The following SPAG9 variants were observed in gnomAD, a reference collection of about 807,000 sequenced individuals.
The protein encoded by SPAG9 is C-Jun-amino-terminal kinase-interacting protein 4.
SPAG9 carries 35 observed loss-of-function variants against 166.5 expected under a neutral mutation model. That is an observed-to-expected ratio of 0.21 (90% CI 0.16 to 0.28). The LOEUF (loss-of-function observed/expected upper bound fraction) is 0.28, where lower values mean the gene tolerates loss of function less well. Ranked by LOEUF, SPAG9 falls within the 10% of genes least tolerant of loss-of-function variation. SPAG9 has a pLI of 1.00. For synonymous variants in SPAG9, 534 were observed against 565.5 expected (o/e 0.94, Z 0.79); for missense variants, 1,235 against 1,603.3 (o/e 0.77, Z 3.92).
intron 1 of SPAG9, among the ~76,000 whole-genome samples, chr17:51,100,846 C>T (rs556296494): frequency 1.3e-5 from 2 of 151,044 alleles, no homozygotes; most frequent in African/African-American, 4.9e-5. Context: ...TTGAACCTGG[C>T]GGGGCAGAGG....
intron 6 of SPAG9, among the ~76,000 whole-genome samples, chr17:51,023,694 C>T (rs2046035813): frequency 6.6e-6 from 1 of 152,092 alleles, no homozygotes; most frequent in Non-Finnish European, 1.5e-5. Context: ...GACAGAGTCT[C>T]GTTCTTGTCA....
intron 17 of SPAG9, 25 bp downstream of exon 17, chr17:50,995,419 T>C: frequency 1.3e-6 from 2 of 1,548,014 alleles, no homozygotes; most frequent in Non-Finnish European, 1.8e-6. Context: ...AGAAAACATC[T>C]CCTTTTAATT....
chr17:51,009,768 C>T (rs2045386931), intron 9 of SPAG9, among the ~76,000 whole-genome samples: 1 of 152,000 alleles, frequency 6.6e-6, no homozygotes, highest in South Asian at 2.1e-4. Flanking sequence ...CATGATGGTG[C>T]CTTTGAGTCT....
At chr17:50,985,096 G>T in intron 23 of SPAG9, 106 bp from the exon 24 acceptor site, 1 of 862,824 alleles carries the variant, frequency 1.2e-6, no homozygotes, top group Non-Finnish European at 1.9e-6. Flanking sequence ...TCTGTGATGA[G>T]TTAAGGAGCT....
chr17:51,036,688 A>G (rs2046597685), intron 5 of SPAG9, among the ~76,000 whole-genome samples: 1 of 151,986 alleles, frequency 6.6e-6, no homozygotes, highest in African/African-American at 2.4e-5. Flanking sequence ...TCCTGCAGGG[A>G]TGTCCTTAAT....
In SPAG9 at chr17:51,009,825, AAAAT is replaced by A. The variant is rs893185643; in HGVS notation, c.1214-2503_1214-2500del. Among the ~76,000 whole-genome samples the A allele has an allele frequency of 3.2e-4, 48 of 152,314 alleles. 1 individual carries two copies. Among genetic ancestry groups the A allele is most frequent in the Admixed American group, 2.7e-3 (41 of 15,300 alleles). On this transcript the variant is annotated intron_variant, in intron 9 of 29. Transcript: ENST00000262013. ...GAAATAAAGCCTTTCCGAGATGGCA[AAAAT>A]AAATAAATAAAGTTTACATTAAATG...
At chr17:51,064,182 T>G (rs1454983346) in intron 2 of SPAG9, among the ~76,000 whole-genome samples, 1 of 152,212 alleles carries the variant, frequency 6.6e-6, no homozygotes, top group African/African-American at 2.4e-5. Flanking sequence ...CTTAGTTATA[T>G]TCAGATGTGT....
At chr17:51,040,474 C>T (rs1156468798) in intron 5 of SPAG9, 1 of 152,158 alleles carries the variant, frequency 6.6e-6, no homozygotes, top group Non-Finnish European at 1.5e-5. Context: ...CTGAATGCCT[C>T]TACATTCTAG....
intron 4 of SPAG9, among the ~76,000 whole-genome samples, chr17:51,044,024 C>T (rs1195734708): frequency 6.6e-6 from 1 of 152,160 alleles, no homozygotes; most frequent in Non-Finnish European, 1.5e-5. Context: ...TCAGAAACTA[C>T]TCTACAGGGA....
At chr17:51,060,358 C>T (rs1323717300) in intron 2 of SPAG9, among the ~76,000 whole-genome samples, 1 of 151,850 alleles carries the variant, frequency 6.6e-6, no homozygotes, top group Non-Finnish European at 1.5e-5. Flanking sequence ...CAAAAATTAG[C>T]CAGGCGTCAT....
At chr17:51,033,310 GAAAA>G (rs368879602) in intron 5 of SPAG9, among the ~76,000 whole-genome samples, 3 of 86,980 alleles carry the variant, frequency 3.4e-5, no homozygotes, top group Admixed American at 1.3e-4. Flanking sequence ...GTCATTAAAT[GAAAA>G]AAAAAAAAAA....
At chr17:51,095,973 T>TGA (rs2048620123) in intron 1 of SPAG9, among the ~76,000 whole-genome samples, 3 of 89,294 alleles carry the variant, frequency 3.4e-5, no homozygotes, top group Non-Finnish European at 6.0e-5. Flanking sequence ...ATATATATAG[T>TGA]GATATATATA....
intron 11 of SPAG9, 27 bp downstream of exon 11, chr17:51,006,058 G>A (rs1368594379): frequency 1.9e-6 from 3 of 1,612,440 alleles, no homozygotes; most frequent in Non-Finnish European, 2.5e-6. Flanking sequence ...AAAGAGTTTG[G>A]TTTAGAACAA....
chr17:51,048,802 T>C (rs532271898), intron 3 of SPAG9, among the ~76,000 whole-genome samples: 1 of 152,234 alleles, frequency 6.6e-6, no homozygotes, highest in South Asian at 2.1e-4. Context: ...TGAAGACTAG[T>C]CCAAACAACA....
intron 21 of SPAG9, among the ~76,000 whole-genome samples, chr17:50,988,574 A>G (rs1407186888): frequency 1.3e-5 from 2 of 152,198 alleles, no homozygotes; most frequent in Non-Finnish European, 2.9e-5. Context: ...GTTTTCTGAG[A>G]CAGAGTCTTG....
chr17:51,092,645 G>A (rs926565358), intron 1 of SPAG9, among the ~76,000 whole-genome samples: 11 of 151,788 alleles, frequency 7.2e-5, no homozygotes, highest in Non-Finnish European at 1.2e-4. Flanking sequence ...CAGGCACAGT[G>A]GCTCACGCCT....
intron 2 of SPAG9, among the ~76,000 whole-genome samples, chr17:51,070,285 T>C (rs988226480): frequency 1.3e-5 from 2 of 152,192 alleles, no homozygotes; most frequent in Non-Finnish European, 2.9e-5. Context: ...TAATAAATGA[T>C]TCTATATCAG....
chr17:51,046,956 T>A (rs1241397892), intron 4 of SPAG9: 1 of 1,418,458 alleles, frequency 7.0e-7, no homozygotes, highest in Non-Finnish European at 9.3e-7. Flanking sequence ...TTGGCTACAA[T>A]GCCTGAAGAT....
In SPAG9 at chr17:50,989,693, GGGA is replaced by G. The variant is rs1567968247; in HGVS notation, c.2794_2796del (p.Ser932del). Reference sequence around the variant, plus strand: ...TTATTATACCTCGACTGATACACTGGGGAGAGGTCTTCTGGGATCTGAACTCCC... The same window carrying G: ...TTATTATACCTCGACTGATACACTGGGAGGTCTTCTGGGATCTGAACTCCC... On this transcript the variant is annotated inframe_deletion, in exon 21 of 30. Transcript: ENST00000262013. 6.2e-7 allele frequency: 1 copy of G among 1,614,040 alleles called. No homozygotes were observed. Among genetic ancestry groups the G allele is most frequent in the Non-Finnish European group, 8.5e-7 (1 of 1,179,948 alleles).
Sources: gnomAD v4.1 joint callset for allele counts (sites outside exome capture counted in the v4.1 genomes callset) on GRCh38, gnomAD v4.1.1 for gene constraint, MANE v1.5 for transcripts, NCBI Gene and HGNC (gene_info 2026-07-23, HGNC 2026-07-21) for gene names.